EPM2A: variants seen among roughly 807,000 people sequenced by gnomAD.
EPM2A encodes the protein EPM2A glucan phosphatase, laforin.
Under a neutral mutation model 26.5 loss-of-function variants are expected in EPM2A, and 21 were observed. The observed-to-expected ratio is 0.79, with a 90% CI of 0.56 to 1.14. The LOEUF is 1.14. EPM2A is among the 50% of genes most tolerant of loss of function. EPM2A has a pLI of 0.00. For synonymous variants in EPM2A, 217 were observed against 177.6 expected (o/e 1.22, Z -1.76); for missense variants, 458 against 440.8 (o/e 1.04, Z -0.35).
chr6:145,735,622 C>T (rs1776835517), upstream of EPM2A: 1 of 1,081,334 alleles, frequency 9.2e-7, no homozygotes. Context: ...GGGGAGAACA[C>T]GTGCTGTTCT....
At chr6:145,410,650 G>A (rs1778631338) in intron 4 of EPM2A, among the ~76,000 whole-genome samples, 1 of 152,178 alleles carries the variant, frequency 6.6e-6, no homozygotes, top group Non-Finnish European at 1.5e-5. Context: ...AGCCAATATT[G>A]ACTTTGTGTC....
chr6:145,568,051 G>A (rs1178243567), intron 2 of EPM2A, among the ~76,000 whole-genome samples: 1 of 152,162 alleles, frequency 6.6e-6, no homozygotes, highest in Non-Finnish European at 1.5e-5. Flanking sequence ...CAGCATGAAG[G>A]AAGGATGCCA....
intron 4 of EPM2A, among the ~76,000 whole-genome samples, chr6:145,483,548 G>C (rs1475157235): frequency 6.6e-6 from 1 of 152,116 alleles, no homozygotes; most frequent in Non-Finnish European, 1.5e-5. Context: ...TTACCTAAAT[G>C]TAATGACTAG....
At chr6:145,524,475 G>A (rs1401643035) in intron 2 of EPM2A, among the ~76,000 whole-genome samples, 1 of 152,040 alleles carries the variant, frequency 6.6e-6, no homozygotes, top group Non-Finnish European at 1.5e-5. Flanking sequence ...CATTCTGATT[G>A]GTTTGAGATG....
intron 2 of EPM2A, among the ~76,000 whole-genome samples, chr6:145,677,323 A>G (rs968906328): frequency 1.3e-5 from 2 of 152,218 alleles, no homozygotes; most frequent in African/African-American, 4.8e-5. Flanking sequence ...CACAGCCAAT[A>G]TTATACTGAA....
chr6:145,432,302 C>T (rs1161681057), intron 4 of EPM2A, among the ~76,000 whole-genome samples: 2 of 152,150 alleles, frequency 1.3e-5, no homozygotes, highest in African/African-American at 4.8e-5. Flanking sequence ...TCCAGATCTA[C>T]TCACTATCTA....
intron 2 of EPM2A, among the ~76,000 whole-genome samples, chr6:145,581,206 C>A (rs1781108001): frequency 6.6e-6 from 1 of 152,060 alleles, no homozygotes; most frequent in Admixed American, 6.6e-5. Flanking sequence ...CCGACTGGTG[C>A]AAGATGGTAT....
intron 1 of EPM2A, chr6:145,705,643 T>C (rs1054969599): frequency 1.8e-5 from 8 of 445,768 alleles, no homozygotes; most frequent in African/African-American, 4.0e-5. Flanking sequence ...CTTGTTCACA[T>C]TGTCATCATC....
At chr6:145,671,681 C>T (rs1779654450) in intron 2 of EPM2A, among the ~76,000 whole-genome samples, 4 of 152,008 alleles carry the variant, frequency 2.6e-5, no homozygotes, top group Admixed American at 2.6e-4. Flanking sequence ...AGTCTGTCTC[C>T]AAAGTAATTA....
At chr6:145,457,441 G>C (rs1647013253) in intron 4 of EPM2A, among the ~76,000 whole-genome samples, 2 of 146,228 alleles carry the variant, frequency 1.4e-5, no homozygotes, top group African/African-American at 2.6e-5. Flanking sequence ...CTGAGATCAT[G>C]CCACTGCACC....
chr6:145,676,733 A>T (rs1014525775), intron 2 of EPM2A, among the ~76,000 whole-genome samples: 4 of 152,222 alleles, frequency 2.6e-5, no homozygotes, highest in Non-Finnish European at 5.9e-5. Context: ...AACCAGGAAG[A>T]AGTTGAATCT....
intron 4 of EPM2A, among the ~76,000 whole-genome samples, chr6:145,425,627 A>T (rs1011987410): frequency 1.2e-5 from 1 of 86,414 alleles, no homozygotes; most frequent in Non-Finnish European, 2.5e-5. Flanking sequence ...ATATTTGAGA[A>T]TGGCAAAAAA....
chr6:145,440,799 G>A (rs771375606), intron 4 of EPM2A, among the ~76,000 whole-genome samples: 1 of 152,206 alleles, frequency 6.6e-6, no homozygotes, highest in Admixed American at 6.5e-5. Context: ...TAACAGGTGG[G>A]CTCCCACAGA....
intron 4 of EPM2A, among the ~76,000 whole-genome samples, chr6:145,404,525 A>G (rs4896802): frequency 0.38 from 56,984 of 151,768 alleles, 10,971 homozygotes; most frequent in South Asian, 0.46. Context: ...CCTTCATTCA[A>G]TCATGTGCTG....
At chr6:145,605,427 A>G (rs1775222302) in intron 2 of EPM2A, among the ~76,000 whole-genome samples, 2 of 152,130 alleles carry the variant, frequency 1.3e-5, no homozygotes, top group African/African-American at 4.8e-5. Flanking sequence ...ACCTGATGCT[A>G]TAACACAACA....
At chr6:145,583,010 G>A (rs1373287421) in intron 2 of EPM2A, among the ~76,000 whole-genome samples, 1 of 152,128 alleles carries the variant, frequency 6.6e-6, no homozygotes, top group Non-Finnish European at 1.5e-5. Flanking sequence ...TATTGGATCA[G>A]TTTGATGGTT....
chr6:145,716,473 A>G (rs1456952087), intron 1 of EPM2A, among the ~76,000 whole-genome samples: 1 of 152,166 alleles, frequency 6.6e-6, no homozygotes, highest in Non-Finnish European at 1.5e-5. Flanking sequence ...TTTATGTTTG[A>G]CAGAAAAGAA....
rs184563287 is a variant in EPM2A at position 145,526,264 on chromosome 6, C to T, written c.341-23689G>A. 2.6e-3 allele frequency among the ~76,000 whole-genome samples: 398 copies of T among 151,898 alleles called. 6 individuals carry two copies. The highest frequency in any genetic ancestry group is 9.2e-3 in the African/African-American group (380 of 41,486). On this transcript the variant is annotated intron_variant, in intron 2 of 3. Coordinates refer to the EPM2A transcript ENST00000450221. ...TTGGCTGTTTTCTTTTCCCTGGGTC[C>T]TTCCCAGGTTTGAGTATCAGAGTGA...
chr6:145,533,835 G>T (rs1780395265), intron 2 of EPM2A, among the ~76,000 whole-genome samples: 1 of 151,826 alleles, frequency 6.6e-6, no homozygotes, highest in Non-Finnish European at 1.5e-5. Context: ...TATGATATTT[G>T]CATGCTTGTT....
Sources: allele counts gnomAD v4.1 joint callset (sites outside exome capture counted in the v4.1 genomes callset), GRCh38; gene constraint gnomAD v4.1.1; transcripts MANE v1.5; gene names NCBI Gene and HGNC (gene_info 2026-07-23, HGNC 2026-07-21).